Variants in CSMD3 observed in about 807,000 individuals in gnomAD.
The protein encoded by CSMD3 is CUB and sushi domain-containing protein 3.
Under a neutral mutation model 435.2 loss-of-function variants are expected in CSMD3, and 177 were observed. The observed-to-expected ratio is 0.41, with a 90% confidence interval of 0.36 to 0.46. The LOEUF is 0.46. Ranked by LOEUF, CSMD3 falls within the 20% of genes least tolerant of loss-of-function variation. CSMD3 has a pLI of 0.34. For synonymous variants in CSMD3, 1,656 were observed against 1,520.5 expected, an observed-to-expected ratio of 1.09 and a Z score of -2.07; for missense variants, 4,265 against 4,504.6, an observed-to-expected ratio of 0.95 and a Z score of 1.52.
chr8:112,831,762 A>C (rs2079882866), intron 11 of CSMD3, among the ~76,000 whole-genome samples: 1 of 152,158 alleles, frequency 6.6e-6, no homozygotes, highest in African/African-American at 2.4e-5. Context: ...GCACACTTTG[A>C]AAACAATAAT....
intron 12 of CSMD3, among the ~76,000 whole-genome samples, chr8:112,823,580 C>T (rs2079588147): frequency 6.6e-6 from 1 of 151,936 alleles, no homozygotes; most frequent in Non-Finnish European, 1.5e-5. Context: ...CATTATTTAC[C>T]CAGGAGTCAT....
chr8:112,588,838 C>T (rs1030344859), intron 22 of CSMD3, among the ~76,000 whole-genome samples: 1 of 152,050 alleles, frequency 6.6e-6, no homozygotes, highest in Non-Finnish European at 1.5e-5. Flanking sequence ...TATAGTGCAA[C>T]ATAATGCCAG....
At chr8:113,060,883 C>G (rs1340826853) in intron 5 of CSMD3, among the ~76,000 whole-genome samples, 2 of 152,148 alleles carry the variant, frequency 1.3e-5, no homozygotes, top group East Asian at 3.8e-4. Context: ...TCTGCTATAT[C>G]AAGAAGAATA....
chr8:113,161,452 T>C (rs1241968513), intron 4 of CSMD3, among the ~76,000 whole-genome samples: 1 of 152,114 alleles, frequency 6.6e-6, no homozygotes, highest in African/African-American at 2.4e-5. Flanking sequence ...AATAAGGTCA[T>C]TTTTGTGTTA....
intron 1 of CSMD3, among the ~76,000 whole-genome samples, chr8:113,409,885 GAAA>G (rs35823928): frequency 6.9e-6 from 1 of 145,756 alleles, no homozygotes; most frequent in Non-Finnish European, 1.5e-5. Flanking sequence ...CAGCTTTGTA[GAAA>G]AAAAAAAAAA....
At chr8:112,702,330 G>T (rs2076406021) in intron 13 of CSMD3, among the ~76,000 whole-genome samples, 1 of 152,090 alleles carries the variant, frequency 6.6e-6, no homozygotes, top group Non-Finnish European at 1.5e-5. Flanking sequence ...AACAGTTGTG[G>T]AATGTATAAA....
chr8:112,781,329 A>T (rs2078379933), intron 13 of CSMD3, among the ~76,000 whole-genome samples: 1 of 151,630 alleles, frequency 6.6e-6, no homozygotes, highest in Admixed American at 6.6e-5. Context: ...ATGAGGTGAG[A>T]CTCCTTCTAC....
intron 5 of CSMD3, among the ~76,000 whole-genome samples, chr8:113,061,271 A>G (rs1658754632): frequency 6.6e-6 from 1 of 152,158 alleles, no homozygotes; most frequent in Admixed American, 6.6e-5. Flanking sequence ...GCTACACATT[A>G]TAGGGTTCTG....
At chr8:113,161,924 C>A (rs537818085) in intron 4 of CSMD3, among the ~76,000 whole-genome samples, 1 of 152,194 alleles carries the variant, frequency 6.6e-6, no homozygotes, top group African/African-American at 2.4e-5. Context: ...TTATATAACT[C>A]TACACGTTAT....
chr8:113,213,557 C>T (rs746422624), intron 3 of CSMD3, among the ~76,000 whole-genome samples: 3 of 151,586 alleles, frequency 2.0e-5, no homozygotes, highest in Non-Finnish European at 4.4e-5. Flanking sequence ...TTAGTGAAAT[C>T]TACACAGCTC....
intron 31 of CSMD3, among the ~76,000 whole-genome samples, chr8:112,479,413 A>G (rs933114934): frequency 3.3e-5 from 5 of 152,224 alleles, no homozygotes; most frequent in Non-Finnish European, 5.9e-5. Context: ...AGAAATTAGA[A>G]TGAGTAAAAG....
intron 24 of CSMD3, among the ~76,000 whole-genome samples, chr8:112,558,650 A>C (rs1828345004): frequency 6.6e-6 from 1 of 152,022 alleles, no homozygotes; most frequent in East Asian, 1.9e-4. Context: ...CTATCCCTAC[A>C]CCAGAGAGCT....
chr8:112,742,071 A>C (rs2077325076), intron 13 of CSMD3, among the ~76,000 whole-genome samples: 1 of 151,904 alleles, frequency 6.6e-6, no homozygotes, highest in South Asian at 2.1e-4. Flanking sequence ...TGAGATGCTC[A>C]GGGTGTAAGA....
chr8:112,768,953 T>C (rs1186826778), intron 13 of CSMD3, among the ~76,000 whole-genome samples: 1 of 151,960 alleles, frequency 6.6e-6, no homozygotes, highest in African/African-American at 2.4e-5. Flanking sequence ...ACCTCAATGT[T>C]CAGCTATTTA....
Position 112,223,198 on chromosome 8 carries a change from G to A in CSMD3, c.*1573C>T. ...GGCATAAAATTTAAAACTGCATCCT[G>A]CCAGTAGAGTACCATGTTGAGAAAA... On this transcript the variant is annotated 3_prime_UTR_variant, in exon 71 of 71. Transcript: ENST00000297405. 2.5e-6 allele frequency: 1 copy of A among 394,078 alleles called. No homozygotes were observed. The allele number at this position is 394,078 out of a possible 1,614,324, so 24.4% of individuals were successfully genotyped here. A position where few individuals can be genotyped will look rare whatever the true frequency, so the allele number is the denominator to read the frequency against.
chr8:112,322,771 T>C (rs1487617790), intron 45 of CSMD3, among the ~76,000 whole-genome samples: 1 of 152,096 alleles, frequency 6.6e-6, no homozygotes, highest in Non-Finnish European at 1.5e-5. Context: ...ACACGACTTG[T>C]TCAAAGTGTG....
intron 3 of CSMD3, among the ~76,000 whole-genome samples, chr8:113,209,808 A>C (rs2092811434): frequency 6.6e-6 from 1 of 152,162 alleles, no homozygotes; most frequent in African/African-American, 2.4e-5. Context: ...TGCAATTTTT[A>C]TCCAAAATGA....
At chr8:112,803,893 C>G (rs532843601) in intron 12 of CSMD3, among the ~76,000 whole-genome samples, 2 of 152,300 alleles carry the variant, frequency 1.3e-5, no homozygotes, top group African/African-American at 4.8e-5. Flanking sequence ...TGGAGTTCTG[C>G]AATCAGCAGA....
intron 3 of CSMD3, among the ~76,000 whole-genome samples, chr8:113,252,978 G>C (rs1043787907): frequency 6.6e-6 from 1 of 152,142 alleles, no homozygotes; most frequent in Non-Finnish European, 1.5e-5. Context: ...AAGGAGATAA[G>C]ACTAGGTACA....
Sources: gnomAD v4.1 joint callset for allele counts (sites outside exome capture counted in the v4.1 genomes callset) on GRCh38, gnomAD v4.1.1 for gene constraint, MANE v1.5 for transcripts, NCBI Gene and HGNC (gene_info 2026-07-23, HGNC 2026-07-21) for gene names.